The following DMXL1 variants were observed in gnomAD, a reference collection of about 807,000 sequenced individuals.
The protein encoded by DMXL1 is Dmx like 1, also known as dmX-like protein 1.
In DMXL1, 99 loss-of-function variants were observed where a neutral mutation model predicts 319.2. The ratio of observed to expected loss-of-function variants is 0.31; its 90% CI spans 0.26 to 0.37. DMXL1 has a LOEUF of 0.37. Among genes scored for constraint, DMXL1 ranks in the 10% least tolerant of loss-of-function variants. The probability of loss-of-function intolerance (pLI) is 1.00; values close to 1 mark genes in which losing one functional copy is unlikely to be tolerated. For missense variants in DMXL1, 3,745 were observed against 3,595.6 expected (o/e 1.04, Z -1.06); for synonymous variants, 1,385 against 1,235.2 (o/e 1.12, Z -2.54).
In DMXL1 at chr5:119,146,874, A is replaced by G. The variant is rs1162809654; in HGVS notation, c.2607A>G (p.Leu869=). The G allele has an allele frequency of 5.0e-6, 8 of 1,611,690 alleles. No individual in the cohort carries two copies. The highest frequency in any genetic ancestry group is 6.8e-6 in the Non-Finnish European group (8 of 1,178,676). Residue 869 remains leucine (L), a synonymous_variant, in exon 16 of 44, where the codon CTA becomes CTG. Coordinates refer to ENST00000539542, the MANE Select transcript of DMXL1 (RefSeq NM_001290321.3). ...SPNGFSEKFY[L]IVIECTQDNR... is the part of the protein sequence containing the mutation. ...ATGGATTTTCTGAGAAGTTCTACCT[A>G]ATTGTAATAGAATGCACTCAAGACA... is the stretch of plus-strand genomic sequence containing the variant.
Position 119,170,860 on chromosome 5 carries a change from A to C in DMXL1, c.6069A>C (p.Ile2023=), listed in dbSNP as rs759048579. 1 of 1,612,556 alleles carries C rather than the reference A, an allele frequency of 6.2e-7. No individual in the cohort carries two copies. Among genetic ancestry groups the C allele is most frequent in the African/African-American group, 1.3e-5 (1 of 74,592 alleles). Residue 2023 remains isoleucine (I), a synonymous_variant, in exon 24 of 44, where the codon ATA becomes ATC. Transcript: ENST00000539542. ...ACCTTTTAAATCCATCAGAAGATAT[A>C]ATTGCAGTTCAGTTAAAATTTAGAG... ...ENDLLNPSED[I]IAVQLKFRAC...
rs143418627 is a variant in DMXL1, at chr5:119,150,407, G to A, written c.4580G>A (p.Arg1527Gln). The A allele has an allele frequency of 6.1e-5, 98 of 1,610,012 alleles. No homozygotes were observed. In the African/African-American group the frequency reaches 1.0e-3, roughly 17 times the overall value. Residue 1527 changes from arginine to glutamine, a missense_variant, in exon 18 of 44, where the codon CGA becomes CAA. By Grantham distance (43) the Arg-to-Gln change is conservative. Coordinates refer to ENST00000539542, the MANE Select transcript of DMXL1 (RefSeq NM_001290321.3). Reference protein sequence around the residue: ...ATTSTDIGESRDRSQGGETLD... With the variant: ...ATTSTDIGESQDRSQGGETLD... Reference sequence around the variant, plus strand: ...ACAAGCACTGATATTGGAGAAAGCCGAGACAGAAGCCAAGGTAAAACTAAA... The same window carrying A: ...ACAAGCACTGATATTGGAGAAAGCCAAGACAGAAGCCAAGGTAAAACTAAA...
At chr5:119,222,941 G>A (rs1259298843) in intron 37 of DMXL1, among the ~76,000 whole-genome samples, 2 of 151,418 alleles carry the variant, frequency 1.3e-5, no homozygotes, top group Admixed American at 1.3e-4. Flanking sequence ...CATTTCCCTG[G>A]CTTCCCTAAT....
chr5:119,171,962 G>A lies in DMXL1; in HGVS notation c.6674G>A (p.Ser2225Asn), dbSNP rs1018334479. ...TCACCACCCCACCCTGATATCCAAA[G>A]CAATAAAGTAAGTATGCTTGGTTTC... ...FDSPPHPDIQ[S>N]NKVYVMHTLA... Residue 2225 changes from serine (S) to asparagine (N), a missense_variant, in exon 25 of 44, where the codon AGC becomes AAC. Physicochemically the swap from Ser to Asn is conservative, Grantham distance 46 (BLOSUM62 1). Transcript: ENST00000539542. The A allele has an allele frequency of 7.5e-6, 12 of 1,608,670 alleles. No homozygotes were observed. Among genetic ancestry groups the A allele is most frequent in the African/African-American group, 1.3e-5 (1 of 74,768 alleles).
At position 119,189,787 on chromosome 5, in the gene DMXL1, A is replaced by G. The variant is rs749465616; in HGVS notation, c.7215A>G (p.Pro2405=). The change falls in exon 29 of 44, where the codon CCA becomes CCG. Residue 2405 remains proline, a synonymous_variant. Transcript: ENST00000539542. ...AAATGTCTTGCAGAGAATCTGCCCC[A>G]CTGACCCCTTCCTCGGCACCAGTAA... ...PSKMSCRESA[P]LTPSSAPVSQ... 7 of 1,614,040 alleles carry G rather than the reference A, an allele frequency of 4.3e-6. No individual in the cohort carries two copies. Among genetic ancestry groups the G allele is most frequent in the African/African-American group, 1.3e-5 (1 of 74,938 alleles).
rs1376273264 is a variant in DMXL1, at chr5:119,148,868, A to G, written c.3041A>G (p.Asn1014Ser). The change falls in exon 18 of 44, where the codon AAT becomes AGT. Residue 1014 changes from asparagine (N) to serine (S), a missense_variant. Asn to Ser is a conservative substitution (Grantham distance 46). Coordinates refer to ENST00000539542, the MANE Select transcript of DMXL1 (RefSeq NM_001290321.3). ...VTDGESATSK[N>S]GKIDLAYIWE... ...GATGGAGAATCTGCCACGTCAAAGA[A>G]TGGAAAAATTGATCTTGCATACATT... 12 of 1,613,746 alleles carry G rather than the reference A, an allele frequency of 7.4e-6. No homozygotes were observed. The Admixed American group carries it at 1.3e-4, about 18-fold the overall frequency.
rs1241297968 is a variant in DMXL1, at chr5:119,165,195, G to A, written c.4885G>A (p.Ala1629Thr). 1.9e-6 allele frequency: 3 copies of A among 1,587,324 alleles called. No homozygotes were observed. Among genetic ancestry groups the A allele is most frequent in the East Asian group, 2.3e-5 (1 of 44,392 alleles). The change falls in exon 21 of 44, where the codon GCC (alanine) becomes ACC (threonine). Residue 1629 changes from alanine (A) to threonine (T), a missense_variant. By Grantham distance (58) the Ala-to-Thr change is moderately conservative. Around this residue, in one of 4 missense-constraint regions of DMXL1, gnomAD observed 2,096 missense variants for 1,985.4 expected, o/e 1.06. Transcript: ENST00000539542. ...TTTTTGATTATAGGTAGCTAAAGCA[G>A]CCTTTTATAGAAAGAATGATCCTTT... Reference protein sequence around the residue: ...RKCIEKVAKAAFYRKNDPLDA... With the variant: ...RKCIEKVAKATFYRKNDPLDA...
rs186777860 is a variant in DMXL1 at position 119,149,895 on chromosome 5, A to G, written c.4068A>G (p.Glu1356=). The G allele has an allele frequency of 5.0e-6, 8 of 1,613,908 alleles. No homozygotes were observed. In the Admixed American group the frequency reaches 1.3e-4, roughly 27 times the overall value. Residue 1356 remains glutamate (E), a synonymous_variant, in exon 18 of 44, where the codon GAA becomes GAG. Coordinates refer to ENST00000539542, the MANE Select transcript of DMXL1 (RefSeq NM_001290321.3). ...LSHLVKCIAG[E]VVALNEAESN... is the part of the protein sequence containing the mutation. ...ATCTTGTTAAGTGCATTGCTGGGGA[A>G]GTTGTGGCTCTGAATGAAGCTGAAT... is the stretch of plus-strand genomic sequence containing the variant.
intron 29 of DMXL1, among the ~76,000 whole-genome samples, chr5:119,190,466 ATTATGTAGCACCTGT>A: frequency 6.6e-6 from 1 of 152,312 alleles, no homozygotes; most frequent in East Asian, 1.9e-4. Flanking sequence ...TCAGTGATTG[ATTATGTAGCACCTGT>A]TACTCAGTTC....
chr5:119,197,093 G>C (rs1779773895), intron 31 of DMXL1, among the ~76,000 whole-genome samples: 2 of 152,068 alleles, frequency 1.3e-5, no homozygotes, highest in Non-Finnish European at 2.9e-5. Flanking sequence ...AGTATGGATG[G>C]GCAGAACTGC....
chr5:119,135,787 C>G (rs1369192673), intron 13 of DMXL1, among the ~76,000 whole-genome samples: 1 of 152,210 alleles, frequency 6.6e-6, no homozygotes, highest in East Asian at 1.9e-4. Context: ...CCTGAGGCCT[C>G]CTGAGCCATG....
At position 119,166,630 on chromosome 5, in the gene DMXL1, C is replaced by T; in HGVS notation, c.4985C>T (p.Thr1662Ile). 6.2e-7 allele frequency: 1 copy of T among 1,605,598 alleles called. No homozygotes were observed. Among genetic ancestry groups the T allele is most frequent in the South Asian group, 1.1e-5 (1 of 88,810 alleles). Residue 1662 changes from threonine to isoleucine, a missense_variant, in exon 22 of 44, where the codon ACC becomes ATC. Coordinates refer to ENST00000539542, the MANE Select transcript of DMXL1 (RefSeq NM_001290321.3). ...TTCCTTTATAGAGCTGAAAAAAACA[C>T]CAGGATGACACAGTTTTTTGGACAC... The part of the protein sequence containing the change: ...IWGLYRAEKN[T>I]RMTQFFGHNF...
At chr5:119,100,873 G>A (rs965378727) in intron 2 of DMXL1, among the ~76,000 whole-genome samples, 3 of 148,030 alleles carry the variant, frequency 2.0e-5, no homozygotes, top group Non-Finnish European at 4.5e-5. Context: ...TCCGCCTCCC[G>A]GGTTCACGCC....
intron 35 of DMXL1, among the ~76,000 whole-genome samples, chr5:119,218,226 T>C (rs571054465): frequency 6.6e-6 from 1 of 152,064 alleles, no homozygotes; most frequent in Admixed American, 6.5e-5. Context: ...AAAAAAATTA[T>C]CTATACCTGC....
chr5:119,241,633 T>C (rs796853336), intron 42 of DMXL1, among the ~76,000 whole-genome samples: 1 of 152,188 alleles, frequency 6.6e-6, no homozygotes, highest in African/African-American at 2.4e-5. Context: ...AATTCAACTT[T>C]TTTCTTGTAA....
Position 119,071,262 on chromosome 5 carries a change from G to A in DMXL1, c.-308G>A. 2.7e-6 allele frequency: 1 copy of A among 372,790 alleles called. No individual in the cohort carries two copies. The highest frequency in any genetic ancestry group is 4.9e-6 in the Non-Finnish European group (1 of 203,134). 23.1% of individuals were successfully genotyped at this position (372,790 alleles called of 1,614,324 possible). A position where few individuals can be genotyped will look rare whatever the true frequency, so the allele number is the denominator to read the frequency against. On this transcript the variant is annotated 5_prime_UTR_variant, in exon 1 of 44. Transcript: ENST00000539542. Reference sequence around the variant, plus strand: ...ACAGCGCGGCCTTCCTGGCCGGTGAGTCGGCCCCGGGTCGTGGCCGGTGAG... The same window carrying A: ...ACAGCGCGGCCTTCCTGGCCGGTGAATCGGCCCCGGGTCGTGGCCGGTGAG...
At chr5:119,195,782 T>G (rs141477990) in intron 30 of DMXL1, among the ~76,000 whole-genome samples, 172 of 152,290 alleles carry the variant, frequency 1.1e-3, no homozygotes, top group African/African-American at 4.0e-3. Context: ...CTTTAAGAAA[T>G]AAATATGTTC....
At chr5:119,094,955 A>G (rs965658192) in intron 1 of DMXL1, among the ~76,000 whole-genome samples, 1 of 151,250 alleles carries the variant, frequency 6.6e-6, no homozygotes, top group Non-Finnish European at 1.5e-5. Flanking sequence ...TTCTAGGCTC[A>G]GGTTATCCTC....
At chr5:119,094,806 G>T (rs955171514) in intron 1 of DMXL1, among the ~76,000 whole-genome samples, 29 of 151,444 alleles carry the variant, frequency 1.9e-4, no homozygotes, top group African/African-American at 7.0e-4. Flanking sequence ...TTACTTTGAG[G>T]GGTTCAAGTC....
Sources: allele counts gnomAD v4.1 joint callset (sites outside exome capture counted in the v4.1 genomes callset), GRCh38; gene constraint gnomAD v4.1.1; regional missense constraint gnomAD v4.1.1; transcripts MANE v1.5; gene names NCBI Gene and HGNC (gene_info 2026-07-23, HGNC 2026-07-21).